Variants in SLC38A9 observed in about 807,000 individuals in gnomAD.
SLC38A9 encodes solute carrier family 38 member 9.
Under a neutral mutation model 62.3 loss-of-function variants are expected in SLC38A9, and 48 were observed. That is an observed-to-expected ratio of 0.77 (90% CI 0.61 to 0.98). The LOEUF is 0.98. Ranked by LOEUF, SLC38A9 falls within the 50% of genes least tolerant of loss-of-function variation. SLC38A9 has a pLI of 0.00. For synonymous variants in SLC38A9, 204 were observed against 227.7 expected (o/e 0.90, Z 0.94); for missense variants, 541 against 679.8 (o/e 0.80, Z 2.27).
chr5:55,639,025 A>C (rs1744944275), intron 12 of SLC38A9, among the ~76,000 whole-genome samples: 1 of 152,132 alleles, frequency 6.6e-6, no homozygotes, highest in South Asian at 2.1e-4. Context: ...CGACAAAAGA[A>C]TAGAAATGAT....
intron 3 of SLC38A9, among the ~76,000 whole-genome samples, chr5:55,675,533 T>C (rs768381748): frequency 2.6e-5 from 4 of 152,200 alleles, no homozygotes; most frequent in Non-Finnish European, 4.4e-5. Context: ...GAGAACAATA[T>C]TCAGAATAAG....
chr5:55,629,243 G>C (rs899002576), intron 14 of SLC38A9, among the ~76,000 whole-genome samples: 1 of 151,926 alleles, frequency 6.6e-6, no homozygotes, highest in Admixed American at 6.6e-5. Flanking sequence ...ACAGGGTCTT[G>C]CTCTGTCATC....
chr5:55,654,348 T>C (rs931773037), intron 9 of SLC38A9, among the ~76,000 whole-genome samples: 1 of 152,150 alleles, frequency 6.6e-6, no homozygotes, highest in Non-Finnish European at 1.5e-5. Flanking sequence ...CTGGGCGCAG[T>C]GGCTCATTCC....
At chr5:55,650,569 T>C (rs908765707) in intron 10 of SLC38A9, among the ~76,000 whole-genome samples, 64 of 152,290 alleles carry the variant, frequency 4.2e-4, no homozygotes, top group African/African-American at 1.5e-3. Context: ...GAATGAGCGA[T>C]ATAAGCAGTA....
intron 10 of SLC38A9, among the ~76,000 whole-genome samples, chr5:55,651,061 G>C (rs1451836092): frequency 6.6e-6 from 1 of 152,038 alleles, no homozygotes; most frequent in African/African-American, 2.4e-5. Context: ...AAAGTGCTGG[G>C]ATTACAGGCG....
At chr5:55,638,105 TAAGTAA>T (rs1259449244) in intron 12 of SLC38A9, among the ~76,000 whole-genome samples, 2 of 152,160 alleles carry the variant, frequency 1.3e-5, no homozygotes, top group African/African-American at 4.8e-5. Flanking sequence ...CAACATACCT[TAAGTAA>T]AAGTGGCTCA....
intron 3 of SLC38A9, among the ~76,000 whole-genome samples, chr5:55,688,156 G>A (rs1754203818): frequency 6.6e-6 from 1 of 152,104 alleles, no homozygotes; most frequent in Admixed American, 6.5e-5. Context: ...GAAGCTTTTG[G>A]ACTGAGACGA....
At chr5:55,673,581 C>T (rs1204755911) in intron 3 of SLC38A9, 1 of 150,448 alleles carries the variant, frequency 6.6e-6, no homozygotes, top group Non-Finnish European at 1.5e-5. Context: ...GGCACAGATC[C>T]AAAGAAAGAA....
intron 2 of SLC38A9, among the ~76,000 whole-genome samples, chr5:55,710,895 G>A (rs1238873362): frequency 6.6e-6 from 1 of 151,932 alleles, no homozygotes; most frequent in African/African-American, 2.4e-5. Flanking sequence ...TGGGATTACA[G>A]GCGTGAGCCA....
intron 12 of SLC38A9, among the ~76,000 whole-genome samples, chr5:55,638,249 G>A (rs1744787386): frequency 6.6e-6 from 1 of 152,122 alleles, no homozygotes; most frequent in South Asian, 2.1e-4. Context: ...ACATATGTGG[G>A]CTTTGCTATT....
At chr5:55,677,124 C>T (rs964919031) in intron 3 of SLC38A9, among the ~76,000 whole-genome samples, 24 of 152,170 alleles carry the variant, frequency 1.6e-4, no homozygotes, top group African/African-American at 5.5e-4. Context: ...GGTATTTACT[C>T]CATGTAATGC....
chr5:55,635,889 T>C (rs1463184000), intron 12 of SLC38A9, among the ~76,000 whole-genome samples: 2 of 152,348 alleles, frequency 1.3e-5, no homozygotes, highest in South Asian at 2.1e-4. Flanking sequence ...GTATGTAGAC[T>C]AAGCTACCTG....
chr5:55,671,552 G>T (rs1751332316), intron 4 of SLC38A9, among the ~76,000 whole-genome samples: 1 of 146,786 alleles, frequency 6.8e-6, no homozygotes, highest in African/African-American at 2.5e-5. Context: ...GGGCACAGTG[G>T]CTCACGCCTG....
Position 55,692,675 on chromosome 5 carries a change from T to C in SLC38A9, c.113+5171A>G, listed in dbSNP as rs146969778. On this transcript the variant is annotated intron_variant, in intron 3 of 15. Transcript: ENST00000396865. ...ATAGAAAATATATTGCCATTTAATC[T>C]ACGCAGTTAAACAAATTTACAGAGA... 4.0e-3 allele frequency: 3,930 copies of C among 985,250 alleles called. 16 individuals are homozygous for C. The highest frequency in any genetic ancestry group is 4.5e-3 in the Non-Finnish European group (3,721 of 829,746). The allele number at this position is 985,250 out of a possible 1,614,324, so 61.0% of individuals were successfully genotyped here. A position where few individuals can be genotyped will look rare whatever the true frequency, so the allele number is the denominator to read the frequency against.
intron 7 of SLC38A9, among the ~76,000 whole-genome samples, chr5:55,667,086 T>C (rs1750602041): frequency 6.6e-6 from 1 of 152,178 alleles, no homozygotes; most frequent in Admixed American, 6.5e-5. Context: ...TTCCAGCTAC[T>C]CGGGAGGCTG....
intron 3 of SLC38A9, among the ~76,000 whole-genome samples, chr5:55,683,794 C>T (rs1434972399): frequency 3.9e-5 from 6 of 152,144 alleles, no homozygotes; most frequent in Admixed American, 1.3e-4. Context: ...CTTATCCATT[C>T]CTGTGATGGG....
chr5:55,675,040 T>C (rs1751886225), intron 3 of SLC38A9, among the ~76,000 whole-genome samples: 1 of 152,230 alleles, frequency 6.6e-6, no homozygotes, highest in Non-Finnish European at 1.5e-5. Flanking sequence ...AGGCAAAGAT[T>C]GAAGCTAGTC....
intron 12 of SLC38A9, among the ~76,000 whole-genome samples, chr5:55,635,968 T>C (rs1218744589): frequency 1.3e-5 from 2 of 152,182 alleles, no homozygotes; most frequent in African/African-American, 2.4e-5. Context: ...CAAAAGATAA[T>C]TTAGTTGCCA....
At chr5:55,639,272 T>TAAAAAAAAAAAAAA (rs753043231) in intron 12 of SLC38A9, among the ~76,000 whole-genome samples, 5 of 54,648 alleles carry the variant, frequency 9.1e-5, no homozygotes, top group African/African-American at 1.4e-4. Flanking sequence ...AAACTCTGTC[T>TAAAAAAAAAAAAAA]AAAAAAAAAA....
Sources: allele counts gnomAD v4.1 joint callset (sites outside exome capture counted in the v4.1 genomes callset), GRCh38; gene constraint gnomAD v4.1.1; transcripts MANE v1.5; gene names NCBI Gene and HGNC (gene_info 2026-07-23, HGNC 2026-07-21).